FAM177A1: variants seen among roughly 807,000 people sequenced by gnomAD.
The protein encoded by FAM177A1 is family with sequence similarity 177 member A1.
FAM177A1 carries 22 observed loss-of-function variants against 26.1 expected under a neutral mutation model. That is an observed-to-expected ratio of 0.84 (90% confidence interval 0.60 to 1.20). FAM177A1 has a LOEUF of 1.20. Ranked by LOEUF, FAM177A1 falls within the 50% of genes most tolerant of loss-of-function variation. The probability of loss-of-function intolerance (pLI) is 0.00; values close to 1 mark genes in which losing one functional copy is unlikely to be tolerated. For missense variants in FAM177A1, 296 were observed against 291.1 expected (o/e 1.02, Z -0.12); for synonymous variants, 95 against 99.3 (o/e 0.96, Z 0.26).
intron 2 of FAM177A1, among the ~76,000 whole-genome samples, chr14:35,062,233 G>C (rs1174944401): frequency 1.3e-5 from 2 of 152,106 alleles, no homozygotes; most frequent in Non-Finnish European, 2.9e-5. Flanking sequence ...ATTTCCAGGT[G>C]CTTTAAATGT....
In FAM177A1 at chr14:35,053,448, TC is replaced by T; in HGVS notation, c.338del (p.Pro113ArgfsTer53). The T allele has an allele frequency of 1.9e-6, 3 of 1,613,832 alleles. No homozygotes were observed. The highest frequency in any genetic ancestry group is 1.1e-5 in the South Asian group (1 of 91,026). ...EKKDVLPTVD[P>X]TKLTWGPYLW... ...AGAAAGATGTTTTGCCTACTGTTGA[TC>T]CGGTAGGTTTGATATTGATGATTCT... is the stretch of plus-strand genomic sequence containing the variant. On this transcript the variant is annotated frameshift_variant and splice_region_variant, in exon 2 of 5. Transcript: ENST00000280987. LOFTEE classifies it high-confidence loss of function.
At chr14:35,052,244 GTTTTC>G (rs1304027081) in intron 1 of FAM177A1, among the ~76,000 whole-genome samples, 4 of 151,562 alleles carry the variant, frequency 2.6e-5, no homozygotes, top group South Asian at 2.1e-4. Flanking sequence ...ACTTCAGGCA[GTTTTC>G]TTTTTTTTTT....
intron 4 of FAM177A1, among the ~76,000 whole-genome samples, chr14:35,080,431 G>A (rs2045462795): frequency 2.0e-5 from 3 of 152,110 alleles, no homozygotes; most frequent in African/African-American, 7.2e-5. Context: ...GACTTAATCT[G>A]AAAAAAATAA....
chr14:35,046,361 T>G lies in FAM177A1; in HGVS notation c.-103T>G. 7.5e-7 allele frequency: 1 copy of G among 1,326,184 alleles called. No homozygotes were observed. Among genetic ancestry groups the G allele is most frequent in the Non-Finnish European group, 9.9e-7 (1 of 1,013,596 alleles). 82.2% of individuals were successfully genotyped at this position (1,326,184 alleles called of 1,614,324 possible). ...CCGCCCCTCAGGCCGGCGAGTCCCC[T>G]TCTCAGAGACTTGGCTAGGCGCGGC... On this transcript the variant is annotated 5_prime_UTR_variant, in exon 1 of 5. Coordinates refer to ENST00000280987, the MANE Select transcript of FAM177A1 (RefSeq NM_173607.5).
intron 2 of FAM177A1, among the ~76,000 whole-genome samples, chr14:35,069,048 C>T (rs142581087): frequency 1.4e-3 from 218 of 152,300 alleles, no homozygotes; most frequent in African/African-American, 5.0e-3. Context: ...TTAGGGGACA[C>T]ATTTAAACAA....
chr14:35,067,434 G>GGC (rs2045256449), intron 2 of FAM177A1, among the ~76,000 whole-genome samples: 2 of 152,096 alleles, frequency 1.3e-5, no homozygotes, highest in South Asian at 4.2e-4. Context: ...CATCTGATAT[G>GGC]GACACCTAGG....
At chr14:35,080,983 C>T (rs376689716) in intron 4 of FAM177A1, 39 bp from the exon 5 acceptor site, 69 of 1,516,370 alleles carry the variant, frequency 4.6e-5, no homozygotes, top group South Asian at 1.1e-4. Flanking sequence ...TTTGGACTTT[C>T]GTATTTCAAC....
intron 2 of FAM177A1, among the ~76,000 whole-genome samples, chr14:35,059,449 T>C (rs2045114836): frequency 6.6e-6 from 1 of 152,150 alleles, no homozygotes. Flanking sequence ...CCTTTTATTT[T>C]CTATGTCTCA....
In FAM177A1 at chr14:35,065,577, A is replaced by G. The variant is rs553430063; in HGVS notation, c.340-11573A>G. 2.6e-5 allele frequency among the ~76,000 whole-genome samples: 4 copies of G among 152,140 alleles called. No individual in the cohort carries two copies. The South Asian group carries it at 8.3e-4, about 32-fold the overall frequency. ...AGACAGAATGGTGCTCAGGCAGAAT[A>G]TTCTTTAAATAAAAATGTGTTACCT... is the stretch of plus-strand genomic sequence containing the variant. On this transcript the variant is annotated intron_variant, in intron 2 of 4. Transcript: ENST00000280987.
intron 2 of FAM177A1, among the ~76,000 whole-genome samples, chr14:35,063,407 A>G (rs2045188962): frequency 6.6e-6 from 1 of 150,786 alleles, no homozygotes; most frequent in African/African-American, 2.4e-5. Context: ...CCCCGTCTCT[A>G]CTAAAAAAAA....
chr14:35,046,162 TGCCAGGCGGG>T, upstream of FAM177A1: 1 of 249,436 alleles, frequency 4.0e-6, no homozygotes, highest in Non-Finnish European at 7.6e-6. Flanking sequence ...TCACAGGCGG[TGCCAGGCGGG>T]GATCCACGAG....
rs571525065 is a variant in FAM177A1, at chr14:35,062,878, C to T, written c.339+9427C>T. On this transcript the variant is annotated intron_variant, in intron 2 of 4. Coordinates refer to ENST00000280987, the MANE Select transcript of FAM177A1 (RefSeq NM_173607.5). Reference sequence around the variant, plus strand: ...CAAGTAGCACAAGAAATTTTATTTGCGGTTTTTTTTTTTTTTTTACTTAAG... The same window carrying T: ...CAAGTAGCACAAGAAATTTTATTTGTGGTTTTTTTTTTTTTTTTACTTAAG... Among the ~76,000 whole-genome samples, 164 of 140,994 alleles carry T rather than the reference C, an allele frequency of 1.2e-3. 1 individual carries two copies. The highest frequency in any genetic ancestry group is 3.9e-3 in the Middle Eastern group (1 of 256). 92.5% of individuals were successfully genotyped at this position (140,994 alleles called of 152,430 possible).
At chr14:35,076,126 T>C (rs2138568248) in intron 2 of FAM177A1, among the ~76,000 whole-genome samples, 1 of 152,254 alleles carries the variant, frequency 6.6e-6, no homozygotes, top group East Asian at 1.9e-4. Flanking sequence ...CATGTTGCTA[T>C]AAAGACACAT....
Position 35,067,419 on chromosome 14 carries a change from C to A in FAM177A1, c.340-9731C>A, listed in dbSNP as rs1408107368. 2.6e-5 allele frequency among the ~76,000 whole-genome samples: 4 copies of A among 152,162 alleles called. No individual in the cohort carries two copies. The East Asian group carries it at 7.7e-4, about 29-fold the overall frequency. On this transcript the variant is annotated intron_variant, in intron 2 of 4. Coordinates refer to ENST00000280987, the MANE Select transcript of FAM177A1 (RefSeq NM_173607.5). ...TGTATATATGTCACATTTTCTTTAT[C>A]CATTCATCTGATATGGACACCTAGG...
chr14:35,065,442 C>A (rs1207624012), intron 2 of FAM177A1, among the ~76,000 whole-genome samples: 2 of 147,614 alleles, frequency 1.4e-5, no homozygotes, highest in Non-Finnish European at 3.0e-5. Context: ...CCAAAGACTT[C>A]CACCTGAATA....
At chr14:35,064,321 A>T (rs1458052743) in intron 2 of FAM177A1, among the ~76,000 whole-genome samples, 2 of 151,994 alleles carry the variant, frequency 1.3e-5, no homozygotes, top group Non-Finnish European at 2.9e-5. Flanking sequence ...TGGGAGATGG[A>T]GGTTGCAGTG....
upstream of FAM177A1, chr14:35,046,223 ACCCGC>A (rs896418234): frequency 3.8e-3 from 1,242 of 327,232 alleles, 13 homozygotes; most frequent in African/African-American, 0.027. Flanking sequence ...CCCCGCAAGG[ACCCGC>A]CCCGCCCCGC....
At chr14:35,055,196 A>G (rs1324110943) in intron 2 of FAM177A1, among the ~76,000 whole-genome samples, 2 of 146,198 alleles carry the variant, frequency 1.4e-5, no homozygotes. Flanking sequence ...CCAGCTACTC[A>G]GGAGGCTGAG....
At chr14:35,060,396 T>C (rs185418815) in intron 2 of FAM177A1, among the ~76,000 whole-genome samples, 235 of 152,314 alleles carry the variant, frequency 1.5e-3, no homozygotes, top group African/African-American at 5.5e-3. Flanking sequence ...TTCAAACATA[T>C]TTATAAAAGC....
Sources: allele counts gnomAD v4.1 joint callset (sites outside exome capture counted in the v4.1 genomes callset), GRCh38; gene constraint gnomAD v4.1.1; transcripts MANE v1.5; gene names NCBI Gene and HGNC (gene_info 2026-07-23, HGNC 2026-07-21).